The following MYBL2 variants were observed in gnomAD, a reference collection of about 807,000 sequenced individuals.
MYBL2 encodes the protein myb-related protein B.
Under a neutral mutation model 79.9 loss-of-function variants are expected in MYBL2, and 28 were observed. The observed-to-expected ratio is 0.35, with a 90% CI of 0.26 to 0.48. The LOEUF (loss-of-function observed/expected upper bound fraction) is 0.48, where lower values mean the gene tolerates loss of function less well. Ranked by LOEUF, MYBL2 falls within the 20% of genes least tolerant of loss-of-function variation. The probability of loss-of-function intolerance (pLI) is 0.99; values close to 1 mark genes in which losing one functional copy is unlikely to be tolerated. For synonymous variants in MYBL2, 378 were observed against 361.2 expected (o/e 1.05, Z -0.53); for missense variants, 735 against 893.9 (o/e 0.82, Z 2.27).
Position 43,705,323 on chromosome 20 carries a change from C to T in MYBL2, c.1470C>T (p.His490=), listed in dbSNP as rs761213423. ...AGGTGGTGGTCACCACACCACTGCA[C>T]CGGGACAAGACACCCCTGCACCAGA... ...SQKVVVTTPL[H]RDKTPLHQKH... is the part of the protein sequence containing the mutation. Residue 490 remains histidine, a synonymous_variant, in exon 9 of 14, where the codon CAC becomes CAT. Transcript: ENST00000217026. The T allele has an allele frequency of 1.2e-6, 2 of 1,613,654 alleles. No homozygotes were observed. The highest frequency in any genetic ancestry group is 2.7e-5 in the African/African-American group (2 of 74,930).
At chr20:43,679,454 C>G (rs1273915048) in intron 2 of MYBL2, among the ~76,000 whole-genome samples, 1 of 152,112 alleles carries the variant, frequency 6.6e-6, no homozygotes, top group Non-Finnish European at 1.5e-5. Flanking sequence ...CAAAAGATCT[C>G]TAAAACTTTT....
chr20:43,694,289 G>A (rs1297877693), intron 6 of MYBL2, among the ~76,000 whole-genome samples: 2 of 152,130 alleles, frequency 1.3e-5, no homozygotes, highest in East Asian at 3.9e-4. Flanking sequence ...CCGAGATCAC[G>A]CCACTGCACT....
In MYBL2 at chr20:43,670,683, A is replaced by G. The variant is rs1459382353; in HGVS notation, c.21-3123A>G. Among the ~76,000 whole-genome samples the G allele has an allele frequency of 7.2e-5, 11 of 152,272 alleles. No homozygotes were observed. In the South Asian group the frequency reaches 1.0e-3, roughly 14 times the overall value. On this transcript the variant is annotated intron_variant, in intron 1 of 13. Coordinates refer to ENST00000217026, the MANE Select transcript of MYBL2 (RefSeq NM_002466.4). ...GAGACAGGAGGGTTTCCCATGTGCTATGGAAGTATAGGAGTGACTCTAGGA... is the reference window on the plus strand; with the variant it reads ...GAGACAGGAGGGTTTCCCATGTGCTGTGGAAGTATAGGAGTGACTCTAGGA...
At chr20:43,697,858 T>A (rs564939708) in intron 6 of MYBL2, among the ~76,000 whole-genome samples, 42 of 147,812 alleles carry the variant, frequency 2.8e-4, no homozygotes, top group African/African-American at 1.0e-3. Context: ...GAGCTTGCAG[T>A]GAGCCGAGAT....
intron 6 of MYBL2, among the ~76,000 whole-genome samples, chr20:43,699,526 T>C (rs1987633040): frequency 6.6e-6 from 1 of 152,248 alleles, no homozygotes; most frequent in Non-Finnish European, 1.5e-5. Context: ...CATGATGCAG[T>C]CTAAGACCAG....
At chr20:43,691,962 C>T (rs545264759) in intron 5 of MYBL2, among the ~76,000 whole-genome samples, 195 bp from the exon 6 acceptor site, 7 of 151,818 alleles carry the variant, frequency 4.6e-5, no homozygotes, top group African/African-American at 1.5e-4. Flanking sequence ...CACAGAGCTT[C>T]GTGGAAATGC....
At chr20:43,689,912 C>T (rs1264178096) in intron 5 of MYBL2, among the ~76,000 whole-genome samples, 5 of 152,132 alleles carry the variant, frequency 3.3e-5, no homozygotes, top group Non-Finnish European at 5.9e-5. Flanking sequence ...TGTTTTGGGT[C>T]AGGTTCCCTG....
At chr20:43,674,731 C>G (rs1986964900) in intron 2 of MYBL2, among the ~76,000 whole-genome samples, 1 of 151,742 alleles carries the variant, frequency 6.6e-6, no homozygotes, top group African/African-American at 2.4e-5. Flanking sequence ...GGAGTTTCAC[C>G]ATGTTGGCCA....
chr20:43,681,765 G>C lies in MYBL2; in HGVS notation c.115-19G>C, dbSNP rs776999662. 1.9e-6 allele frequency: 3 copies of C among 1,614,186 alleles called. No homozygotes were observed. The highest frequency in any genetic ancestry group is 2.5e-6 in the Non-Finnish European group (3 of 1,179,996). On this transcript the variant is annotated intron_variant, in intron 2 of 13. Transcript: ENST00000217026. ...CTGCACGTATGTGTGCTGAGCCCCT[G>C]TCTTTCTGGTGTTGGCAGGACGAGC...
intron 5 of MYBL2, among the ~76,000 whole-genome samples, chr20:43,690,362 C>T (rs557535510): frequency 3.4e-4 from 52 of 152,228 alleles, no homozygotes; most frequent in African/African-American, 1.1e-3. Flanking sequence ...TGCACCACCA[C>T]GCCTGGCTAA....
At position 43,692,172 on chromosome 20, in the gene MYBL2, G is replaced by A; in HGVS notation, c.516G>A (p.Val172=). 6.2e-7 allele frequency: 1 copy of A among 1,614,080 alleles called. No homozygotes were observed. Among genetic ancestry groups the A allele is most frequent in the Non-Finnish European group, 8.5e-7 (1 of 1,180,002 alleles). The change falls in exon 6 of 14, where the codon GTG becomes GTA. Residue 172 remains valine (V), a synonymous_variant. Coordinates refer to ENST00000217026, the MANE Select transcript of MYBL2 (RefSeq NM_002466.4). ...KMLPGRTDNA[V]KNHWNSTIKR... ...CCCCCTGCAGGACAGACAATGCTGT[G>A]AAGAATCACTGGAACTCTACCATCA...
At position 43,667,197 on chromosome 20, in the gene MYBL2, G is replaced by A. The variant is rs1032817876; in HGVS notation, c.-87G>A. On this transcript the variant is annotated 5_prime_UTR_variant, in exon 1 of 14. Transcript: ENST00000217026. ...CGCGGCCCGGGGCCCGGAGCGGCCGGAGCAGCCCGGGTCCTGACCCCGGCC... is the reference window on the plus strand; with the variant it reads ...CGCGGCCCGGGGCCCGGAGCGGCCGAAGCAGCCCGGGTCCTGACCCCGGCC... 1,678 of 993,218 alleles carry A rather than the reference G, an allele frequency of 1.7e-3. 9 individuals carry two copies. The highest frequency in any genetic ancestry group is 1.3e-3 in the Non-Finnish European group (1,064 of 790,746). 61.5% of individuals were successfully genotyped at this position (993,218 alleles called of 1,614,324 possible).
intron 2 of MYBL2, among the ~76,000 whole-genome samples, chr20:43,678,585 G>T (rs1368248248): frequency 6.6e-6 from 1 of 152,012 alleles, no homozygotes; most frequent in Non-Finnish European, 1.5e-5. Flanking sequence ...GGCCTGGCGC[G>T]GTGGCTCACG....
chr20:43,669,778 A>G (rs1265177960), intron 1 of MYBL2, among the ~76,000 whole-genome samples: 1 of 152,194 alleles, frequency 6.6e-6, no homozygotes, highest in East Asian at 1.9e-4. Flanking sequence ...CACATATGGT[A>G]AAGTATATCA....
intron 12 of MYBL2, 86 bp from the exon 13 acceptor site, chr20:43,715,048 G>A: frequency 6.7e-7 from 1 of 1,500,354 alleles, no homozygotes; most frequent in Non-Finnish European, 9.2e-7. Flanking sequence ...GCCAGGTGGT[G>A]GTGCTGGGGT....
intron 10 of MYBL2, among the ~76,000 whole-genome samples, chr20:43,710,294 A>C (rs1568879604): frequency 6.6e-6 from 1 of 152,156 alleles, no homozygotes; most frequent in Non-Finnish European, 1.5e-5. Context: ...GGTGCTAGAG[A>C]CATGGTGGTA....
chr20:43,677,078 G>A (rs1987028753), intron 2 of MYBL2, among the ~76,000 whole-genome samples: 1 of 152,130 alleles, frequency 6.6e-6, no homozygotes, highest in Non-Finnish European at 1.5e-5. Flanking sequence ...TGTGTGAGTG[G>A]TAAACTCCTT....
intron 6 of MYBL2, among the ~76,000 whole-genome samples, chr20:43,698,484 TCTC>T (rs781227959): frequency 1.6e-4 from 23 of 143,658 alleles, no homozygotes; most frequent in Non-Finnish European, 3.2e-4. Context: ...TTCACACCAT[TCTC>T]CTGCCTCAGC....
intron 6 of MYBL2, among the ~76,000 whole-genome samples, chr20:43,698,999 G>A (rs571641234): frequency 1.8e-4 from 27 of 151,830 alleles, no homozygotes; most frequent in Middle Eastern, 6.8e-3. Flanking sequence ...CACTGTACCT[G>A]GTCTTTTTAT....
Sources: allele counts gnomAD v4.1 joint callset (sites outside exome capture counted in the v4.1 genomes callset), GRCh38; gene constraint gnomAD v4.1.1; transcripts MANE v1.5; gene names NCBI Gene and HGNC (gene_info 2026-07-23, HGNC 2026-07-21).